Variants in NCOA1 observed in about 807,000 individuals in gnomAD.
The protein encoded by NCOA1 is Hin-2 protein.
In NCOA1, 35 loss-of-function variants were observed where a neutral mutation model predicts 150.9. That is an observed-to-expected ratio of 0.23 (90% CI 0.18 to 0.31). The LOEUF (loss-of-function observed/expected upper bound fraction) is 0.31. NCOA1 is among the 10% of genes least tolerant of loss of function. The pLI, the probability that NCOA1 is intolerant of heterozygous loss-of-function variation, is 1.00. For synonymous variants in NCOA1, 590 were observed against 630.0 expected (o/e 0.94, Z 0.95); for missense variants, 1,491 against 1,749.3 (o/e 0.85, Z 2.63).
At chr2:24,765,796 C>T (rs1190135931) in intron 22 of NCOA1, among the ~76,000 whole-genome samples, 1 of 151,868 alleles carries the variant, frequency 6.6e-6, no homozygotes, top group African/African-American at 2.4e-5. Flanking sequence ...ATAAGAAGTC[C>T]TTTGTGGACT....
In NCOA1 at chr2:24,707,799, A is replaced by G. The variant is rs1042301886; in HGVS notation, c.2329A>G (p.Lys777Glu). The G allele has an allele frequency of 3.1e-6, 5 of 1,614,080 alleles. No individual in the cohort carries two copies. Among genetic ancestry groups the G allele is most frequent in the East Asian group, 2.2e-5 (1 of 44,898 alleles). The change falls in exon 13 of 23, where the codon AAG becomes GAG. Residue 777 changes from lysine to glutamate, a missense_variant. This residue lies in a region of NCOA1 where 703 missense variants were observed against 717.7 expected (regional missense o/e 0.98). Coordinates refer to ENST00000348332, the MANE Select transcript of NCOA1 (RefSeq NM_003743.5). ...SLDDVKVKVEKKEQMDPCNTN... is the reference protein window; with the variant it reads ...SLDDVKVKVEEKEQMDPCNTN... ...GGATGATGTAAAGGTGAAAGTGGAAAAGAAAGAACAGATGGATCCATGTAA... is the reference window on the plus strand; with the variant it reads ...GGATGATGTAAAGGTGAAAGTGGAAGAGAAAGAACAGATGGATCCATGTAA...
chr2:24,701,537 G>C (rs1034872794), intron 11 of NCOA1, among the ~76,000 whole-genome samples: 1 of 148,958 alleles, frequency 6.7e-6, no homozygotes, highest in Non-Finnish European at 1.5e-5. Flanking sequence ...TAGACCAAGA[G>C]AGCACAGCAT....
chr2:24,599,242 C>T (rs1024029966), intron 3 of NCOA1, among the ~76,000 whole-genome samples: 3 of 151,896 alleles, frequency 2.0e-5, no homozygotes, highest in African/African-American at 4.8e-5. Flanking sequence ...TTCTGTGGGG[C>T]GAAAGTGGTT....
Position 24,751,764 on chromosome 2 carries a change from A to C in NCOA1, c.3707-218A>C, listed in dbSNP as rs10153959. On this transcript the variant is annotated intron_variant, in intron 19 of 22. Transcript: ENST00000348332. ...ATTATTCCGAGCTTACATTTATTTC[A>C]TTGGTTTATGCTGAGATTTCTTGCC... Among the ~76,000 whole-genome samples the C allele has an allele frequency of 3.5e-3, 538 of 152,242 alleles. 5 individuals carry two copies. The highest frequency in any genetic ancestry group is 0.012 in the African/African-American group (498 of 41,526).
At chr2:24,501,712 C>G (rs1025089335) in intron 1 of NCOA1, among the ~76,000 whole-genome samples, 35 of 151,968 alleles carry the variant, frequency 2.3e-4, no homozygotes, top group Admixed American at 2.0e-3. Flanking sequence ...AATAAGAGCC[C>G]CTAGATAGGC....
At chr2:24,765,425 G>C (rs979753658) in intron 22 of NCOA1, among the ~76,000 whole-genome samples, 1 of 151,956 alleles carries the variant, frequency 6.6e-6, no homozygotes, top group Non-Finnish European at 1.5e-5. Flanking sequence ...CGTGAACCTG[G>C]GAGGCGGAGC....
chr2:24,641,606 A>G (rs1208655501), intron 3 of NCOA1, among the ~76,000 whole-genome samples: 2 of 152,008 alleles, frequency 1.3e-5, no homozygotes, highest in Non-Finnish European at 2.9e-5. Flanking sequence ...TTTGAAGGAT[A>G]TTTTTGCTGG....
chr2:24,629,887 A>T (rs1669625126), intron 3 of NCOA1, among the ~76,000 whole-genome samples: 1 of 139,730 alleles, frequency 7.2e-6, no homozygotes, highest in African/African-American at 2.7e-5. Flanking sequence ...TTTGTCGCCC[A>T]CGCTGGAGTC....
At chr2:24,741,335 ATT>A (rs1182278233) in intron 18 of NCOA1, among the ~76,000 whole-genome samples, 6 of 152,182 alleles carry the variant, frequency 3.9e-5, no homozygotes, top group African/African-American at 1.4e-4. Context: ...AACACAGTAA[ATT>A]TTTTGGAATT....
intron 1 of NCOA1, among the ~76,000 whole-genome samples, chr2:24,507,505 A>T (rs545935881): frequency 2.4e-4 from 34 of 143,080 alleles, no homozygotes; most frequent in African/African-American, 8.5e-4. Flanking sequence ...TGATATTTTG[A>T]TACATGCATA....
intron 4 of NCOA1, among the ~76,000 whole-genome samples, chr2:24,657,405 A>C (rs1572551795): frequency 6.6e-6 from 1 of 152,218 alleles, no homozygotes; most frequent in East Asian, 1.9e-4. Context: ...GCAGGATCTG[A>C]ATGCCAGTTA....
chr2:24,524,040 T>A (rs933685903), intron 1 of NCOA1, among the ~76,000 whole-genome samples: 3 of 151,958 alleles, frequency 2.0e-5, no homozygotes, highest in Non-Finnish European at 4.4e-5. Context: ...GAGCTGATTT[T>A]AGGCAGAGCT....
At chr2:24,590,061 A>C (rs1232891798) in intron 3 of NCOA1, among the ~76,000 whole-genome samples, 1 of 152,232 alleles carries the variant, frequency 6.6e-6, no homozygotes, top group East Asian at 1.9e-4. Context: ...TCTTGGCCAG[A>C]AAATATTAGT....
At chr2:24,680,066 A>G (rs1018568724) in intron 7 of NCOA1, among the ~76,000 whole-genome samples, 2 of 152,200 alleles carry the variant, frequency 1.3e-5, no homozygotes, top group Admixed American at 1.3e-4. Context: ...GCAGACACTT[A>G]GCTTGATCCT....
chr2:24,759,419 A>G (rs759838465), intron 21 of NCOA1, among the ~76,000 whole-genome samples: 4 of 152,232 alleles, frequency 2.6e-5, no homozygotes, highest in Non-Finnish European at 5.9e-5. Context: ...GGGGATATTT[A>G]TATTTTATTT....
intron 1 of NCOA1, among the ~76,000 whole-genome samples, chr2:24,516,153 T>G (rs1407927693): frequency 1.3e-5 from 2 of 151,708 alleles, no homozygotes; most frequent in Non-Finnish European, 2.9e-5. Context: ...ATGAAATAAT[T>G]TTTTTCTCTT....
intron 18 of NCOA1, among the ~76,000 whole-genome samples, chr2:24,741,490 A>AT (rs2148662453): frequency 6.6e-6 from 1 of 152,146 alleles, no homozygotes; most frequent in Admixed American, 6.5e-5. Flanking sequence ...CTTTCTTTGA[A>AT]TTTTTCAGTT....
At position 24,710,089 on chromosome 2, in the gene NCOA1, A is replaced by AT. The variant is rs201780740; in HGVS notation, c.2419-839dup. Among the ~76,000 whole-genome samples, 407 of 143,478 alleles carry AT rather than the reference A, an allele frequency of 2.8e-3. 2 individuals are homozygous for AT. The highest frequency in any genetic ancestry group is 9.9e-3 in the African/African-American group (393 of 39,800). The allele number at this position is 143,478 out of a possible 152,430, so 94.1% of individuals were successfully genotyped here. On this transcript the variant is annotated intron_variant, in intron 13 of 22. Coordinates refer to ENST00000348332, the MANE Select transcript of NCOA1 (RefSeq NM_003743.5). ...ATTCTTTTTTATTTTATTTTATTTT[A>AT]TTTATTTATTTATTTATTTTTGAGA...
At chr2:24,695,860 T>C (rs1672877787) in intron 10 of NCOA1, among the ~76,000 whole-genome samples, 1 of 152,110 alleles carries the variant, frequency 6.6e-6, no homozygotes, top group African/African-American at 2.4e-5. Context: ...GTCCCCAAAC[T>C]CTAAACTCTC....
Sources: gnomAD v4.1 joint callset for allele counts (sites outside exome capture counted in the v4.1 genomes callset) on GRCh38, gnomAD v4.1.1 for gene constraint, gnomAD v4.1.1 regional missense constraint, MANE v1.5 for transcripts, NCBI Gene and HGNC (gene_info 2026-07-23, HGNC 2026-07-21) for gene names.